SLC4A1AP: variants seen among roughly 807,000 people sequenced by gnomAD.
SLC4A1AP encodes solute carrier family 4 member 1 adaptor protein.
In SLC4A1AP, 64 loss-of-function variants were observed where a neutral mutation model predicts 89.7. The observed-to-expected ratio is 0.71, with a 90% CI of 0.58 to 0.88. SLC4A1AP has a LOEUF of 0.88. SLC4A1AP is among the 40% of genes least tolerant of loss of function. The pLI is 0.00. For missense variants in SLC4A1AP, 931 were observed against 965.0 expected, an observed-to-expected ratio of 0.96 and a Z score of 0.47; for synonymous variants, 366 against 353.3, an observed-to-expected ratio of 1.04 and a Z score of -0.40.
At chr2:27,677,656 G>A (rs1675545523) in intron 7 of SLC4A1AP, 82 bp from the exon 8 acceptor site, 1 of 1,175,146 alleles carries the variant, frequency 8.5e-7, no homozygotes, top group Admixed American at 2.4e-5. Context: ...TTATGTTAGT[G>A]ACTTTTATAT....
chr2:27,671,685 A>G (rs962569812), intron 5 of SLC4A1AP, among the ~76,000 whole-genome samples: 1 of 151,934 alleles, frequency 6.6e-6, no homozygotes, highest in Non-Finnish European at 1.5e-5. Flanking sequence ...TCATATTCTC[A>G]TATTTCTTGG....
At chr2:27,679,453 T>C (rs1353754985) in intron 8 of SLC4A1AP, among the ~76,000 whole-genome samples, 4 of 151,962 alleles carry the variant, frequency 2.6e-5, no homozygotes, top group Non-Finnish European at 5.9e-5. Flanking sequence ...ATACAAAAAA[T>C]TAGCCGGTTG....
At chr2:27,690,509 C>T (rs1175079167) in intron 12 of SLC4A1AP, among the ~76,000 whole-genome samples, 5 of 151,876 alleles carry the variant, frequency 3.3e-5, no homozygotes, top group East Asian at 1.9e-4. Flanking sequence ...TTTTTGAGAC[C>T]GAGTCTTGCT....
chr2:27,682,116 G>GT, intron 8 of SLC4A1AP, 132 bp from the exon 9 acceptor site: 1 of 607,922 alleles, frequency 1.6e-6, no homozygotes. Flanking sequence ...CTTTCTTATT[G>GT]TTATATGCTT....
intron 5 of SLC4A1AP, among the ~76,000 whole-genome samples, chr2:27,673,261 T>C (rs1042889721): frequency 1.3e-5 from 2 of 152,210 alleles, no homozygotes; most frequent in Non-Finnish European, 2.9e-5. Flanking sequence ...CTCATCTGTC[T>C]ACTTTCTAAT....
At chr2:27,666,352 A>ACCACCCACCACC (rs1558504861) in intron 2 of SLC4A1AP, among the ~76,000 whole-genome samples, 1 of 3,420 alleles carries the variant, frequency 2.9e-4, no homozygotes, top group African/African-American at 6.0e-4. Flanking sequence ...CTTGTGATCC[A>ACCACCCACCACC]CCCCCCACCC....
At chr2:27,669,723 C>T (rs1391679176) in intron 5 of SLC4A1AP, among the ~76,000 whole-genome samples, 1 of 152,158 alleles carries the variant, frequency 6.6e-6, no homozygotes, top group Admixed American at 6.5e-5. Flanking sequence ...TGGAGTCTCA[C>T]TCTGTCACCC....
intron 12 of SLC4A1AP, among the ~76,000 whole-genome samples, chr2:27,690,663 G>GT (rs1322896219): frequency 5.3e-5 from 8 of 151,762 alleles, no homozygotes; most frequent in South Asian, 2.1e-4. Context: ...ATTTTTGTGG[G>GT]TTTTTTTGTA....
chr2:27,685,165 A>G, exon 10 of SLC4A1AP: 2 of 1,614,204 alleles, frequency 1.2e-6, no homozygotes, highest in Non-Finnish European at 1.7e-6. Context: ...AAAAGAAAAA[A>G]CTGGAGGATG....
intron 5 of SLC4A1AP, among the ~76,000 whole-genome samples, chr2:27,672,536 A>T (rs1203930693): frequency 6.6e-6 from 1 of 151,902 alleles, no homozygotes; most frequent in Non-Finnish European, 1.5e-5. Flanking sequence ...CTCTTGTTTC[A>T]TGGGTTGTAA....
At chr2:27,673,876 C>G (rs866077281) in intron 5 of SLC4A1AP, among the ~76,000 whole-genome samples, 4 of 152,164 alleles carry the variant, frequency 2.6e-5, no homozygotes, top group Middle Eastern at 3.4e-3. Context: ...GGAAGAATAG[C>G]TCAGGATGAA....
chr2:27,664,597 A>G lies in SLC4A1AP; in HGVS notation c.825+20A>G, dbSNP rs1448101539. 1.3e-6 allele frequency: 2 copies of G among 1,572,984 alleles called. No homozygotes were observed. The highest frequency in any genetic ancestry group is 1.7e-4 in the Middle Eastern group (1 of 5,896). Reference sequence around the variant, plus strand: ...CTGCAGGTAGGTAGAAAAACCTAGAATTGAAATTTCGGGTTCATTGGACTG... The same window carrying G: ...CTGCAGGTAGGTAGAAAAACCTAGAGTTGAAATTTCGGGTTCATTGGACTG... On this transcript the variant is annotated intron_variant, in intron 1 of 13. Coordinates refer to ENST00000613058, the Ensembl canonical transcript of SLC4A1AP.
At chr2:27,676,028 A>C (rs950910735) in intron 6 of SLC4A1AP, among the ~76,000 whole-genome samples, 2 of 152,244 alleles carry the variant, frequency 1.3e-5, no homozygotes, top group African/African-American at 4.8e-5. Context: ...GCCTTCTGGC[A>C]GTCAAGAGAA....
chr2:27,669,441 C>A, intron 5 of SLC4A1AP, 54 bp downstream of exon 5: 1 of 1,437,446 alleles, frequency 7.0e-7, no homozygotes. Context: ...AAACTCAACA[C>A]AAACGCTAAT....
chr2:27,669,737 C>T (rs1465823684), intron 5 of SLC4A1AP, among the ~76,000 whole-genome samples: 2 of 152,142 alleles, frequency 1.3e-5, no homozygotes, highest in African/African-American at 4.8e-5. Flanking sequence ...GTCACCCAGG[C>T]TGGAGTGCAG....
chr2:27,677,328 T>G, exon 7 of SLC4A1AP: 2 of 1,613,578 alleles, frequency 1.2e-6, no homozygotes, highest in Non-Finnish European at 1.7e-6. Context: ...AAGGGAACTT[T>G]CTGAAATTTC....
intron 3 of SLC4A1AP, among the ~76,000 whole-genome samples, chr2:27,668,324 G>C (rs1020122783): frequency 6.6e-6 from 1 of 151,830 alleles, no homozygotes; most frequent in African/African-American, 2.4e-5. Flanking sequence ...AATTTTTTTT[G>C]TATTTTTAGT....
chr2:27,664,513 A>G (rs1675270361), exon 1 of SLC4A1AP: 2 of 1,614,102 alleles, frequency 1.2e-6, no homozygotes, highest in African/African-American at 1.3e-5. Context: ...CCTCGCACCT[A>G]CTGTCGAGTC....
rs781733395 is a variant in SLC4A1AP, at chr2:27,682,286, A to T, written c.1802A>T (p.Lys601Ile). 14 of 1,613,910 alleles carry T rather than the reference A, an allele frequency of 8.7e-6. No homozygotes were observed. The South Asian group carries it at 1.5e-4, about 18-fold the overall frequency. Residue 601 changes from lysine (K) to isoleucine (I), a missense_variant, in exon 9 of 14, where the codon AAA (lysine) becomes ATA (isoleucine). By Grantham distance (102) the Lys-to-Ile change is moderately radical. Transcript: ENST00000613058. ...ACTACAGGTGCAGAAAACAAAGCTA[A>T]AAAGCTTACATTGCCTCTATTTGGT...
Sources: gnomAD v4.1 joint callset for allele counts (sites outside exome capture counted in the v4.1 genomes callset) on GRCh38, gnomAD v4.1.1 for gene constraint, MANE v1.5 for transcripts, NCBI Gene and HGNC (gene_info 2026-07-23, HGNC 2026-07-21) for gene names.